Variants in CPEB1 observed in about 807,000 individuals in gnomAD.
The protein encoded by CPEB1 is cytoplasmic polyadenylation element-binding protein 1.
CPEB1 carries 7 observed loss-of-function variants against 65.8 expected under a neutral mutation model. The ratio of observed to expected loss-of-function variants is 0.11; its 90% CI spans 0.06 to 0.20. The LOEUF is 0.20. Among genes scored for constraint, CPEB1 ranks in the 10% least tolerant of loss-of-function variants. The pLI is 1.00. For synonymous variants in CPEB1, 262 were observed against 260.0 expected, an observed-to-expected ratio of 1.01 and a Z score of -0.08; for missense variants, 551 against 712.2, an observed-to-expected ratio of 0.77 and a Z score of 2.58.
At chr15:82,586,050 A>G (rs547397798) in intron 3 of CPEB1, among the ~76,000 whole-genome samples, 1 of 152,302 alleles carries the variant, frequency 6.6e-6, no homozygotes, top group African/African-American at 2.4e-5. Context: ...TGTAAGTGAT[A>G]AAGTATAATT....
chr15:82,602,985 T>A (rs1403468204), intron 3 of CPEB1, among the ~76,000 whole-genome samples: 1 of 152,222 alleles, frequency 6.6e-6, no homozygotes, highest in African/African-American at 2.4e-5. Context: ...CAATAAACTT[T>A]GTCAGAACTC....
At chr15:82,618,985 T>C (rs2045034399) in intron 3 of CPEB1, among the ~76,000 whole-genome samples, 1 of 152,124 alleles carries the variant, frequency 6.6e-6, no homozygotes, top group South Asian at 2.1e-4. Flanking sequence ...ATAATTTATA[T>C]AGAAATGTGA....
intron 3 of CPEB1, among the ~76,000 whole-genome samples, chr15:82,616,065 T>C (rs2044681188): frequency 1.3e-5 from 2 of 152,062 alleles, no homozygotes; most frequent in African/African-American, 4.8e-5. Context: ...ATGTACACAT[T>C]ATAAATATGA....
At chr15:82,614,839 T>C (rs573510721) in intron 3 of CPEB1, among the ~76,000 whole-genome samples, 45 of 145,980 alleles carry the variant, frequency 3.1e-4, no homozygotes, top group African/African-American at 9.7e-4. Context: ...TTCAACTCTT[T>C]AAAATATAAG....
intron 3 of CPEB1, among the ~76,000 whole-genome samples, chr15:82,601,236 T>G (rs1197998763): frequency 1.4e-5 from 1 of 69,506 alleles, no homozygotes; most frequent in Non-Finnish European, 2.5e-5. Context: ...AATGTGGTTT[T>G]CTTAAAAAAA....
At chr15:82,583,218 A>G (rs556718395) in intron 3 of CPEB1, among the ~76,000 whole-genome samples, 5 of 152,166 alleles carry the variant, frequency 3.3e-5, no homozygotes, top group Non-Finnish European at 5.9e-5. Flanking sequence ...AGCATCATCC[A>G]ATCTACTGCT....
chr15:82,616,882 T>C (rs1445560032), intron 3 of CPEB1, among the ~76,000 whole-genome samples: 1 of 152,334 alleles, frequency 6.6e-6, no homozygotes, highest in Non-Finnish European at 1.5e-5. Context: ...ATAAACTGCA[T>C]GTATTCAAAG....
chr15:82,543,470 A>ATT lies in CPEB1; in HGVS notation c.*1121_*1122insAA, dbSNP rs2034639237. On this transcript the variant is annotated 3_prime_UTR_variant, in exon 13 of 13. Transcript: ENST00000684509. ...GTTTTTTGTTTCTTTTTAAAAAAAA[A>ATT]AAAAAAAAAAAAAAGGAAAGAAAAA... The ATT allele has an allele frequency of 1.3e-5, 2 of 150,940 alleles. No homozygotes were observed. Among genetic ancestry groups the ATT allele is most frequent in the African/African-American group, 4.9e-5 (2 of 41,026 alleles). The allele number at this position is 150,940 out of a possible 1,614,324, so 9.4% of individuals were successfully genotyped here.
At chr15:82,623,678 G>GA (rs892942789) in intron 3 of CPEB1, among the ~76,000 whole-genome samples, 3 of 150,972 alleles carry the variant, frequency 2.0e-5, no homozygotes, top group African/African-American at 4.9e-5. Context: ...TCCGTCTCAG[G>GA]AAAAAAAAAT....
At position 82,647,306 on chromosome 15, in the gene CPEB1, A is replaced by C. The variant is rs1427290758; in HGVS notation, c.-267T>G. ...ATTGGGAAGCCGCACGAGGGGCTTG[A>C]GCCCTCCACCTTAAAGGTGCCGCGA... On this transcript the variant is annotated 5_prime_UTR_variant, in exon 1 of 13. Coordinates refer to ENST00000684509, the MANE Select transcript of CPEB1 (RefSeq NM_001365242.1). The C allele has an allele frequency of 6.6e-6, 1 of 152,248 alleles. No homozygotes were observed. The highest frequency in any genetic ancestry group is 1.5e-5 in the Non-Finnish European group (1 of 68,190). 9.4% of individuals were successfully genotyped at this position (152,248 alleles called of 1,614,324 possible).
intron 4 of CPEB1, among the ~76,000 whole-genome samples, chr15:82,559,262 C>T (rs2037781436): frequency 1.3e-5 from 2 of 152,120 alleles, no homozygotes; most frequent in South Asian, 4.1e-4. Flanking sequence ...ACACAAGATC[C>T]CAAACATCTG....
At chr15:82,549,074 G>T (rs963191657) in intron 10 of CPEB1, among the ~76,000 whole-genome samples, 2 of 152,216 alleles carry the variant, frequency 1.3e-5, no homozygotes, top group Admixed American at 1.3e-4. Context: ...CAATGCCAGA[G>T]CTTTTCAAGA....
chr15:82,584,868 G>A (rs2041631802), intron 3 of CPEB1, among the ~76,000 whole-genome samples: 2 of 126,098 alleles, frequency 1.6e-5, no homozygotes, highest in Admixed American at 1.6e-4. Flanking sequence ...TTATTTCTCA[G>A]TAGTAAGATG....
rs144897671 is a variant in CPEB1 at position 82,597,044 on chromosome 15, C to T, written c.272-25512G>A. Among the ~76,000 whole-genome samples, 223 of 152,274 alleles carry T rather than the reference C, an allele frequency of 1.5e-3. 1 individual carries two copies. Among genetic ancestry groups the T allele is most frequent in the Non-Finnish European group, 2.6e-3 (179 of 68,022 alleles). ...GAATCCTAAAAACAAGAAATATAGG[C>T]TGGGCACGTTGGCTCACGCCTGTAA... On this transcript the variant is annotated intron_variant, in intron 3 of 12. Transcript: ENST00000684509.
chr15:82,554,329 G>A (rs2036808358), intron 6 of CPEB1, among the ~76,000 whole-genome samples: 1 of 152,186 alleles, frequency 6.6e-6, no homozygotes, highest in South Asian at 2.1e-4. Context: ...ATTGCTTACA[G>A]TACTAATTCA....
rs1425803959 is a variant in CPEB1, at chr15:82,628,467, T to C, written c.-8A>G. 2 of 702,910 alleles carry C rather than the reference T, an allele frequency of 2.8e-6. No homozygotes were observed. Among genetic ancestry groups the C allele is most frequent in the Non-Finnish European group, 5.2e-6 (2 of 384,968 alleles). 43.5% of individuals were successfully genotyped at this position (702,910 alleles called of 1,614,324 possible). On this transcript the variant is annotated 5_prime_UTR_variant, in exon 2 of 13. The change abolishes an upstream ATG in the 5' untranslated region. Coordinates refer to ENST00000684509, the MANE Select transcript of CPEB1 (RefSeq NM_001365242.1). ...AGCAATGCCAGAAAACATATTGACA[T>C]TAGATGATCTGGCAAAAGGGTTCCG... is the stretch of plus-strand genomic sequence containing the variant.
At chr15:82,631,576 T>C (rs530733004) in intron 1 of CPEB1, among the ~76,000 whole-genome samples, 1 of 152,300 alleles carries the variant, frequency 6.6e-6, no homozygotes, top group Admixed American at 6.5e-5. Flanking sequence ...TGTAATTATG[T>C]GCTGAACCAA....
chr15:82,641,224 T>C (rs1430605361), intron 1 of CPEB1, among the ~76,000 whole-genome samples: 2 of 151,858 alleles, frequency 1.3e-5, no homozygotes, highest in East Asian at 1.9e-4. Context: ...AATTCCAAGA[T>C]TACAGCTTTA....
At chr15:82,628,126 G>A in intron 2 of CPEB1, 1 of 686,048 alleles carries the variant, frequency 1.5e-6, no homozygotes, top group Non-Finnish European at 2.6e-6. Context: ...TGAAAGTCTA[G>A]AAGAATTACA....
Sources: allele counts gnomAD v4.1 joint callset (sites outside exome capture counted in the v4.1 genomes callset), GRCh38; gene constraint gnomAD v4.1.1; transcripts MANE v1.5; gene names NCBI Gene and HGNC (gene_info 2026-07-23, HGNC 2026-07-21).